SEL1L: variants seen among roughly 807,000 people sequenced by gnomAD.
SEL1L encodes the protein protein sel-1 homolog 1.
Under a neutral mutation model 109.8 loss-of-function variants are expected in SEL1L, and 52 were observed. The observed-to-expected ratio is 0.47, with a 90% CI of 0.38 to 0.60. The LOEUF (loss-of-function observed/expected upper bound fraction) is 0.60. Among genes scored for constraint, SEL1L ranks in the 20% least tolerant of loss-of-function variants. SEL1L has a pLI of 0.00. For synonymous variants in SEL1L, 373 were observed against 339.6 expected (o/e 1.10, Z -1.08); for missense variants, 749 against 962.2 (o/e 0.78, Z 2.93).
In SEL1L at chr14:81,490,490, T is replaced by C. The variant is rs769807689; in HGVS notation, c.1255-25A>G. The C allele has an allele frequency of 5.9e-6, 9 of 1,537,208 alleles. No homozygotes were observed. In the African/African-American group the frequency reaches 1.2e-4, roughly 21 times the overall value. On this transcript the variant is annotated intron_variant, in intron 12 of 20. Transcript: ENST00000336735. ...TCTGGAAAACAGATCCCAATTTCAG[T>C]AAGAGCTGTAACCCTCTCTCCAATT...
At chr14:81,509,568 T>A (rs562439389) in intron 3 of SEL1L, among the ~76,000 whole-genome samples, 36 of 152,366 alleles carry the variant, frequency 2.4e-4, no homozygotes, top group Middle Eastern at 3.4e-3. Context: ...ATGAACAGAA[T>A]GCTTTACACT....
chr14:81,503,305 A>T (rs1225235638), intron 5 of SEL1L, among the ~76,000 whole-genome samples: 1 of 152,128 alleles, frequency 6.6e-6, no homozygotes, highest in Non-Finnish European at 1.5e-5. Context: ...ATTTCTATTC[A>T]GTCATATTAC....
Position 81,490,572 on chromosome 14 carries a change from C to T in SEL1L, c.1255-107G>A, listed in dbSNP as rs538843075. 3.4e-6 allele frequency: 3 copies of T among 875,644 alleles called. 1 individual carries two copies. The South Asian group carries it at 4.7e-5, about 14-fold the overall frequency. The allele number at this position is 875,644 out of a possible 1,614,324, so 54.2% of individuals were successfully genotyped here. A position where few individuals can be genotyped will look rare whatever the true frequency, so the allele number is the denominator to read the frequency against. On this transcript the variant is annotated intron_variant, in intron 12 of 20. Transcript: ENST00000336735. ...TTTGTCAGATCTCATTAAATCTTTC[C>T]AAAAAATTTAGAATTCCCCACAGGA...
chr14:81,516,882 C>G (rs11846697), intron 3 of SEL1L, among the ~76,000 whole-genome samples: 14 of 152,128 alleles, frequency 9.2e-5, no homozygotes, highest in Admixed American at 2.6e-4. Flanking sequence ...AGACTTCCCC[C>G]CCATGTACCT....
At chr14:81,513,064 T>C (rs1429950427) in intron 3 of SEL1L, among the ~76,000 whole-genome samples, 1 of 152,214 alleles carries the variant, frequency 6.6e-6, no homozygotes, top group East Asian at 1.9e-4. Context: ...ATCAGCACTC[T>C]GTGTCTAGCT....
Position 81,476,884 on chromosome 14 carries a change from C to T in SEL1L, c.*88G>A. The stretch of plus-strand genomic sequence containing the variant: ...TGCCGTGCCTCTTCTGGGAGGTGAC[C>T]ACTGATCCAAGGTCCTAAATCAAAT... On this transcript the variant is annotated 3_prime_UTR_variant, in exon 21 of 21. Coordinates refer to ENST00000336735, the MANE Select transcript of SEL1L (RefSeq NM_005065.6). 1 of 1,351,254 alleles carries T rather than the reference C, an allele frequency of 7.4e-7. No individual in the cohort carries two copies. The highest frequency in any genetic ancestry group is 1.0e-6 in the Non-Finnish European group (1 of 976,972). 83.7% of individuals were successfully genotyped at this position (1,351,254 alleles called of 1,614,324 possible). A position where few individuals can be genotyped will look rare whatever the true frequency, so the allele number is the denominator to read the frequency against.
At chr14:81,496,613 C>T (rs980811321) in intron 10 of SEL1L, among the ~76,000 whole-genome samples, 17 of 152,108 alleles carry the variant, frequency 1.1e-4, no homozygotes, top group Non-Finnish European at 2.5e-4. Context: ...GTGGTGCATG[C>T]CTGCATTCCC....
At chr14:81,522,154 A>G (rs1193185650) in intron 3 of SEL1L, among the ~76,000 whole-genome samples, 1 of 152,240 alleles carries the variant, frequency 6.6e-6, no homozygotes, top group African/African-American at 2.4e-5. Flanking sequence ...GCTAAAACAT[A>G]AAAGTTTATA....
At position 81,484,306 on chromosome 14, in the gene SEL1L, A is replaced by T. The variant is rs1430845036; in HGVS notation, c.1965T>A (p.Arg655=). 1 of 1,614,184 alleles carries T rather than the reference A, an allele frequency of 6.2e-7. No individual in the cohort carries two copies. Among genetic ancestry groups the T allele is most frequent in the Admixed American group, 1.7e-5 (1 of 60,026 alleles). ...CACTGTGTTGCTGCTCAGAAGCCAG[A>T]CGGTAATGAATAAATGCAGTTTCAT... ...VDYETAFIHY[R]LASEQQHSAQ... is the part of the protein sequence containing the mutation. Residue 655 remains arginine (R), a synonymous_variant, in exon 19 of 21, where the codon CGT becomes CGA. Transcript: ENST00000336735.
chr14:81,498,123 G>A, intron 9 of SEL1L, 77 bp from the exon 10 acceptor site: 1 of 1,430,636 alleles, frequency 7.0e-7, no homozygotes, highest in Non-Finnish European at 9.5e-7. Flanking sequence ...TACAATTCCA[G>A]CTGCCAAACG....
In SEL1L at chr14:81,475,644, A is replaced by T. The variant is rs1168047043; in HGVS notation, c.*1328T>A. ...GTGAACACCACCATCTGACAATAAA[A>T]TGAAATACAAATTCAGTTTAAGCTT... On this transcript the variant is annotated 3_prime_UTR_variant, in exon 21 of 21. Transcript: ENST00000336735. 3 of 152,226 alleles carry T rather than the reference A, an allele frequency of 2.0e-5. No homozygotes were observed. The highest frequency in any genetic ancestry group is 4.4e-5 in the Non-Finnish European group (3 of 68,030). 9.4% of individuals were successfully genotyped at this position (152,226 alleles called of 1,614,324 possible).
At chr14:81,504,664 TCTCACA>T (rs1884163496) in intron 4 of SEL1L, among the ~76,000 whole-genome samples, 1 of 151,996 alleles carries the variant, frequency 6.6e-6, no homozygotes, top group Non-Finnish European at 1.5e-5. Flanking sequence ...CCCCACCAAA[TCTCACA>T]CTGAATTGTA....
At chr14:81,495,680 T>A (rs1883717585) in intron 10 of SEL1L, among the ~76,000 whole-genome samples, 1 of 152,086 alleles carries the variant, frequency 6.6e-6, no homozygotes, top group African/African-American at 2.4e-5. Context: ...CTCATGCCTG[T>A]AATCCCAGCA....
At chr14:81,482,138 C>T (rs990881451) in intron 19 of SEL1L, among the ~76,000 whole-genome samples, 10 of 152,134 alleles carry the variant, frequency 6.6e-5, no homozygotes, top group Non-Finnish European at 1.2e-4. Flanking sequence ...CCTCCCCCTA[C>T]TCTTATCAAA....
chr14:81,503,025 T>A, intron 5 of SEL1L, 142 bp from the exon 6 acceptor site: 2 of 683,286 alleles, frequency 2.9e-6, no homozygotes, highest in Non-Finnish European at 4.7e-6. Context: ...GGAGTTTCAC[T>A]CTTGTTGTCC....
chr14:81,526,628 G>A, intron 3 of SEL1L, 105 bp downstream of exon 3: 1 of 815,126 alleles, frequency 1.2e-6, no homozygotes, highest in Admixed American at 2.1e-5. Flanking sequence ...TTATTTGTGG[G>A]TAATAATCAG....
chr14:81,518,729 T>C (rs1884801896), intron 3 of SEL1L, among the ~76,000 whole-genome samples: 1 of 151,986 alleles, frequency 6.6e-6, no homozygotes, highest in Non-Finnish European at 1.5e-5. Flanking sequence ...CCTATTGTTT[T>C]TCTAAGATAG....
chr14:81,532,938 T>C (rs1885389887), intron 1 of SEL1L, among the ~76,000 whole-genome samples: 2 of 152,014 alleles, frequency 1.3e-5, no homozygotes, highest in Non-Finnish European at 2.9e-5. Flanking sequence ...GATTAAAACA[T>C]TAAAAAAGGG....
chr14:81,499,323 T>A (rs547297883), intron 8 of SEL1L, 136 bp downstream of exon 8: 2 of 1,417,864 alleles, frequency 1.4e-6, no homozygotes, highest in Non-Finnish European at 1.8e-6. Context: ...TAACAAGAAT[T>A]TGAAGGAAGT....
Sources: gnomAD v4.1 joint callset for allele counts (sites outside exome capture counted in the v4.1 genomes callset) on GRCh38, gnomAD v4.1.1 for gene constraint, MANE v1.5 for transcripts, NCBI Gene and HGNC (gene_info 2026-07-23, HGNC 2026-07-21) for gene names.